The following NCKAP5 variants were observed in gnomAD, a reference collection of about 807,000 sequenced individuals.
NCKAP5 encodes the protein NCK associated protein 5.
In NCKAP5, 92 loss-of-function variants were observed where a neutral mutation model predicts 167.0. The observed-to-expected ratio is 0.55, with a 90% CI of 0.47 to 0.66. NCKAP5 has a LOEUF of 0.66. NCKAP5 is among the 30% of genes least tolerant of loss of function. The pLI is 0.00. For synonymous variants in NCKAP5, 891 were observed against 877.4 expected (o/e 1.02, Z -0.27); for missense variants, 2,378 against 2,315.0 (o/e 1.03, Z -0.56).
At chr2:133,041,255 C>T (rs2079209900) in intron 6 of NCKAP5, among the ~76,000 whole-genome samples, 1 of 152,038 alleles carries the variant, frequency 6.6e-6, no homozygotes, top group African/African-American at 2.4e-5. Context: ...GTGCTGAGGA[C>T]TCAGTATAGC....
chr2:132,936,919 T>C (rs1472778830), intron 8 of NCKAP5, among the ~76,000 whole-genome samples: 6 of 152,142 alleles, frequency 3.9e-5, no homozygotes, highest in Non-Finnish European at 8.8e-5. Context: ...AGGGAATAAT[T>C]TTTACCAGCT....
At chr2:133,465,162 C>T (rs1692476793) in intron 3 of NCKAP5, among the ~76,000 whole-genome samples, 1 of 108,246 alleles carries the variant, frequency 9.2e-6, no homozygotes, top group South Asian at 4.4e-4. Flanking sequence ...TCCCCCCTCC[C>T]CCCACCCCAC....
At chr2:132,971,904 T>C (rs2076846186) in intron 7 of NCKAP5, among the ~76,000 whole-genome samples, 1 of 152,224 alleles carries the variant, frequency 6.6e-6, no homozygotes, top group Non-Finnish European at 1.5e-5. Context: ...TCTTTCATTT[T>C]AGAGAACACT....
At chr2:132,705,242 AAT>A (rs1688244237) in intron 19 of NCKAP5, among the ~76,000 whole-genome samples, 1 of 150,936 alleles carries the variant, frequency 6.6e-6, no homozygotes, top group Non-Finnish European at 1.5e-5. Context: ...ATCAGCATAC[AAT>A]GTGTGGTAAT....
At chr2:133,210,466 A>C (rs2086163988) in intron 5 of NCKAP5, among the ~76,000 whole-genome samples, 1 of 152,174 alleles carries the variant, frequency 6.6e-6, no homozygotes, top group Non-Finnish European at 1.5e-5. Context: ...TATAAAAAAA[A>C]CTGTAAACAG....
At chr2:133,044,284 G>A (rs542360873) in intron 6 of NCKAP5, among the ~76,000 whole-genome samples, 12 of 152,106 alleles carry the variant, frequency 7.9e-5, no homozygotes, top group East Asian at 3.9e-4. Flanking sequence ...ATCGAAAGAC[G>A]CAAATAAAAA....
At chr2:133,450,449 G>A (rs778895255) in intron 3 of NCKAP5, among the ~76,000 whole-genome samples, 21 of 152,240 alleles carry the variant, frequency 1.4e-4, no homozygotes, top group Non-Finnish European at 2.4e-4. Context: ...GTAACATTAC[G>A]TTTTTAAAAG....
chr2:133,306,021 C>A (rs942511741), intron 3 of NCKAP5, among the ~76,000 whole-genome samples: 2 of 152,118 alleles, frequency 1.3e-5, no homozygotes, highest in East Asian at 1.9e-4. Context: ...ATTTCTGGAC[C>A]CTGAACTGGA....
chr2:132,752,270 C>A (rs957923414), intron 16 of NCKAP5, among the ~76,000 whole-genome samples: 3 of 152,208 alleles, frequency 2.0e-5, no homozygotes, highest in Admixed American at 1.3e-4. Flanking sequence ...GGTTCCCTTA[C>A]GGTGAGGGGA....
At chr2:133,363,025 C>T (rs947376537) in intron 3 of NCKAP5, among the ~76,000 whole-genome samples, 1 of 152,040 alleles carries the variant, frequency 6.6e-6, no homozygotes, top group Non-Finnish European at 1.5e-5. Flanking sequence ...CTCGGCCTCC[C>T]AAGATGCTGG....
chr2:132,860,196 A>C (rs1016172334), intron 11 of NCKAP5, among the ~76,000 whole-genome samples: 9 of 152,226 alleles, frequency 5.9e-5, no homozygotes, highest in Non-Finnish European at 1.3e-4. Flanking sequence ...TCCCCAAAGC[A>C]ATCAATTATT....
At chr2:132,897,641 C>T (rs1574558758) in intron 8 of NCKAP5, among the ~76,000 whole-genome samples, 1 of 152,260 alleles carries the variant, frequency 6.6e-6, no homozygotes, top group East Asian at 1.9e-4. Context: ...TGAGTTTGAT[C>T]ATGGATTCCA....
At chr2:133,145,547 A>G (rs2083161055) in intron 5 of NCKAP5, among the ~76,000 whole-genome samples, 1 of 152,096 alleles carries the variant, frequency 6.6e-6, no homozygotes, top group Admixed American at 6.6e-5. Flanking sequence ...ACAATCAATC[A>G]TTAAGTCTTC....
chr2:132,770,784 T>C (rs1449717380), intron 16 of NCKAP5, among the ~76,000 whole-genome samples: 2 of 152,164 alleles, frequency 1.3e-5, no homozygotes, highest in Non-Finnish European at 2.9e-5. Flanking sequence ...AAATGAAGTG[T>C]TGGCCAATGA....
the NCKAP5 span, among the ~76,000 whole-genome samples, chr2:133,595,878 A>G: frequency 6.6e-6 from 1 of 152,222 alleles, no homozygotes; most frequent in Non-Finnish European, 1.5e-5. Flanking sequence ...ATGTCATAAA[A>G]TACTGTCCTT....
intron 11 of NCKAP5, among the ~76,000 whole-genome samples, chr2:132,825,708 T>C (rs561644692): frequency 6.6e-5 from 10 of 152,386 alleles, no homozygotes; most frequent in African/African-American, 2.2e-4. Context: ...TTTTAACTAC[T>C]ATCCCTGGTC....
chr2:133,045,873 C>T (rs1029994858), intron 6 of NCKAP5, among the ~76,000 whole-genome samples: 4 of 152,094 alleles, frequency 2.6e-5, no homozygotes, highest in East Asian at 1.9e-4. Context: ...ATGACACAGC[C>T]GTTGTGATGT....
chr2:133,606,329 T>C, the NCKAP5 span, among the ~76,000 whole-genome samples: 5 of 152,296 alleles, frequency 3.3e-5, no homozygotes, highest in Non-Finnish European at 7.4e-5. Context: ...GTTTCCTACT[T>C]TACTTAAACA....
At chr2:133,117,952 T>A in intron 6 of NCKAP5, 1 of 152,158 alleles carries the variant, frequency 6.6e-6, no homozygotes, top group Non-Finnish European at 1.5e-5. Flanking sequence ...AGGAACTGAG[T>A]TCCGGCAACA....
Sources: allele counts gnomAD v4.1 joint callset (sites outside exome capture counted in the v4.1 genomes callset), GRCh38; gene constraint gnomAD v4.1.1; transcripts MANE v1.5; gene names NCBI Gene and HGNC (gene_info 2026-07-23, HGNC 2026-07-21).